Variants in RALB observed in about 807,000 individuals in gnomAD.
RALB encodes the protein ras-related protein Ral-B.
In RALB, 16 loss-of-function variants were observed where a neutral mutation model predicts 21.3. That is an observed-to-expected ratio of 0.75 (90% CI 0.51 to 1.14). The LOEUF is 1.14. Ranked by LOEUF, RALB falls within the 50% of genes most tolerant of loss-of-function variation. The pLI is 0.00. For synonymous variants in RALB, 93 were observed against 96.1 expected, an observed-to-expected ratio of 0.97 and a Z score of 0.19; for missense variants, 161 against 256.2, an observed-to-expected ratio of 0.63 and a Z score of 2.54.
intron 1 of RALB, among the ~76,000 whole-genome samples, chr2:120,272,191 T>G (rs1337013930): frequency 2.6e-5 from 4 of 152,172 alleles, no homozygotes; most frequent in Admixed American, 2.6e-4. Context: ...CCTCACATGG[T>G]GGAAAGAGCC....
intron 1 of RALB, among the ~76,000 whole-genome samples, chr2:120,246,296 TG>T (rs1341395096): frequency 1.3e-5 from 2 of 152,138 alleles, no homozygotes; most frequent in Non-Finnish European, 2.9e-5. Context: ...GGAAGGGGGA[TG>T]GGCTTGGGAG....
At chr2:120,241,013 C>G (rs1189880429) in intron 1 of RALB, among the ~76,000 whole-genome samples, 1 of 152,160 alleles carries the variant, frequency 6.6e-6, no homozygotes, top group Non-Finnish European at 1.5e-5. Context: ...TCACAAGGAC[C>G]CCAGATCCAC....
chr2:120,280,629 GA>G (rs1320997089), intron 2 of RALB, among the ~76,000 whole-genome samples: 5 of 151,688 alleles, frequency 3.3e-5, no homozygotes, highest in Non-Finnish European at 7.4e-5. Flanking sequence ...ATGATGGGTC[GA>G]TAGGTGCAGC....
chr2:120,251,765 G>T (rs987641966), upstream of RALB, among the ~76,000 whole-genome samples: 1 of 152,208 alleles, frequency 6.6e-6, no homozygotes, highest in African/African-American at 2.4e-5. Context: ...GGTAAAAACA[G>T]AATACTTAGT....
At chr2:120,279,624 A>G (rs983193867) in intron 2 of RALB, among the ~76,000 whole-genome samples, 1 of 152,174 alleles carries the variant, frequency 6.6e-6, no homozygotes, top group Non-Finnish European at 1.5e-5. Flanking sequence ...AAAGGACTTG[A>G]GCATCTGCAG....
chr2:120,252,666 C>G, upstream of RALB: 1 of 519,138 alleles, frequency 1.9e-6, no homozygotes, highest in East Asian at 1.5e-4. Flanking sequence ...CCCCCCCGTG[C>G]CTGGGGCAGC....
intron 1 of RALB, among the ~76,000 whole-genome samples, chr2:120,264,051 G>T (rs1027405857): frequency 3.3e-5 from 5 of 151,810 alleles, no homozygotes; most frequent in Non-Finnish European, 5.9e-5. Flanking sequence ...GTTTTACCAT[G>T]TTGGCCAGGT....
intron 1 of RALB, among the ~76,000 whole-genome samples, chr2:120,265,570 C>T (rs1157616199): frequency 6.6e-6 from 1 of 152,134 alleles, no homozygotes; most frequent in Non-Finnish European, 1.5e-5. Context: ...GATCTGTGTC[C>T]TTGAAATAAG....
chr2:120,259,535 G>T lies in RALB; in HGVS notation c.-48+6555G>T, dbSNP rs560015437. On this transcript the variant is annotated intron_variant, in intron 1 of 4. Coordinates refer to ENST00000272519, the MANE Select transcript of RALB (RefSeq NM_002881.3). The stretch of plus-strand genomic sequence containing the variant: ...TGAGCTAGACGTAAAGACTCTCCAC[G>T]TCCTCACCAGAGCAGCTAGATACAG... 7.7e-4 allele frequency among the ~76,000 whole-genome samples: 118 copies of T among 152,318 alleles called. 2 individuals are homozygous for T. The South Asian group carries it at 0.015, about 20-fold the overall frequency.
intron 2 of RALB, among the ~76,000 whole-genome samples, chr2:120,282,216 C>T (rs964390691): frequency 6.6e-5 from 10 of 152,076 alleles, no homozygotes; most frequent in East Asian, 3.9e-4. Context: ...CGGTGGCTCA[C>T]GCCTGTAATC....
At chr2:120,259,700 C>T (rs894692994) in intron 1 of RALB, among the ~76,000 whole-genome samples, 8 of 152,262 alleles carry the variant, frequency 5.3e-5, no homozygotes, top group African/African-American at 1.4e-4. Context: ...TAGTGGATCC[C>T]GCACCGGGGC....
chr2:120,283,749 G>A lies in RALB; in HGVS notation c.115-2125G>A, dbSNP rs150956738. On this transcript the variant is annotated intron_variant, in intron 2 of 4. Transcript: ENST00000272519. ...GAAAGAAAGGGTCCACGTGAAGTTT[G>A]TCTTAGACTCTTGGGCATCTGAAAC... 3.6e-4 allele frequency among the ~76,000 whole-genome samples: 55 copies of A among 152,330 alleles called. No individual in the cohort carries two copies. In the Middle Eastern group the frequency reaches 0.01, roughly 28 times the overall value.
intron 1 of RALB, among the ~76,000 whole-genome samples, chr2:120,259,079 C>G (rs531836094): frequency 1.3e-5 from 2 of 152,006 alleles, no homozygotes; most frequent in Non-Finnish European, 1.5e-5. Context: ...TTGCTGGGCT[C>G]GGGAGTGAAG....
chr2:120,252,665 G>A, upstream of RALB: 1 of 505,584 alleles, frequency 2.0e-6, no homozygotes, highest in Non-Finnish European at 2.6e-6. Context: ...GCCCCCCCGT[G>A]CCTGGGGCAG....
intron 1 of RALB, chr2:120,253,236 C>T (rs980091175): frequency 5.0e-6 from 2 of 401,956 alleles, no homozygotes; most frequent in Non-Finnish European, 6.7e-6. Context: ...TCCGCCTCTC[C>T]CTTGTAGCCG....
At chr2:120,258,748 G>A (rs896404656) in intron 1 of RALB, among the ~76,000 whole-genome samples, 1 of 152,190 alleles carries the variant, frequency 6.6e-6, no homozygotes, top group Non-Finnish European at 1.5e-5. Flanking sequence ...GCTGGGGAGA[G>A]GCAATGGGAG....
intron 1 of RALB, among the ~76,000 whole-genome samples, chr2:120,266,878 G>C (rs1293808930): frequency 6.6e-6 from 1 of 152,206 alleles, no homozygotes; most frequent in African/African-American, 2.4e-5. Flanking sequence ...TTGAAGTTTG[G>C]TGGGACAAAC....
chr2:120,282,997 T>C (rs992069880), intron 2 of RALB, among the ~76,000 whole-genome samples: 4 of 152,100 alleles, frequency 2.6e-5, no homozygotes, highest in African/African-American at 9.7e-5. Context: ...CCTAGCTGAT[T>C]ATAGAATTTC....
At chr2:120,253,040 AC>A (rs1573319936) in intron 1 of RALB, 60 bp downstream of exon 1, 2 of 917,158 alleles carry the variant, frequency 2.2e-6, no homozygotes, top group African/African-American at 3.6e-5. Context: ...GGAGTGGGGT[AC>A]GCCGCACGCC....
Sources: allele counts gnomAD v4.1 joint callset (sites outside exome capture counted in the v4.1 genomes callset), GRCh38; gene constraint gnomAD v4.1.1; transcripts MANE v1.5; gene names NCBI Gene and HGNC (gene_info 2026-07-23, HGNC 2026-07-21).